Variants in ACLY observed in about 807,000 individuals in gnomAD.
ACLY encodes the protein ATP citrate lyase.
ACLY carries 41 observed loss-of-function variants against 133.0 expected under a neutral mutation model. That is an observed-to-expected ratio of 0.31 (90% CI 0.24 to 0.40). The LOEUF is 0.40. Among genes scored for constraint, ACLY ranks in the 10% least tolerant of loss-of-function variants. The pLI, the probability that ACLY is intolerant of heterozygous loss-of-function variation, is 1.00. For synonymous variants in ACLY, 495 were observed against 549.3 expected, an observed-to-expected ratio of 0.90 and a Z score of 1.38; for missense variants, 1,046 against 1,453.8, an observed-to-expected ratio of 0.72 and a Z score of 4.56.
In ACLY at chr17:41,896,125, G is replaced by GAA. The variant is rs2049358923; in HGVS notation, c.1459+493_1459+494dup. Among the ~76,000 whole-genome samples, 3 of 152,320 alleles carry GAA rather than the reference G, an allele frequency of 2.0e-5. No individual in the cohort carries two copies. The East Asian group carries it at 5.8e-4, about 29-fold the overall frequency. ...AAACTGGTCCCTGGAGCTTGAGGAT[G>GAA]AAGCTGGCAGTGGTGAAGCCGAGGC... On this transcript the variant is annotated intron_variant, in intron 14 of 28. Transcript: ENST00000352035.
intron 3 of ACLY, among the ~76,000 whole-genome samples, chr17:41,912,062 C>A: frequency 6.8e-6 from 1 of 146,964 alleles, no homozygotes; most frequent in Admixed American, 6.9e-5. Context: ...TGCAGTGAGC[C>A]AAGATCACGC....
intron 5 of ACLY, among the ~76,000 whole-genome samples, 156 bp downstream of exon 5, chr17:41,909,354 G>T (rs1170041690): frequency 2.0e-5 from 3 of 152,150 alleles, no homozygotes; most frequent in African/African-American, 7.2e-5. Flanking sequence ...TTCCAAGCCA[G>T]TCCCCGCCCT....
At chr17:41,922,607 T>C (rs1318114234), upstream of ACLY, among the ~76,000 whole-genome samples, 2 of 152,228 alleles carry the variant, frequency 1.3e-5, no homozygotes, top group Non-Finnish European at 2.9e-5. Context: ...CCACTTCTAA[T>C]AATTTATCCT....
chr17:41,884,317 G>T, intron 18 of ACLY, 43 bp from the exon 19 acceptor site: 1 of 1,333,188 alleles, frequency 7.5e-7, no homozygotes, highest in Non-Finnish European at 1.1e-6. Context: ...TCAGGAGGAG[G>T]CCTGGGGAAG....
intron 10 of ACLY, 117 bp downstream of exon 10, chr17:41,904,612 A>T: frequency 1.0e-6 from 1 of 957,676 alleles, no homozygotes; most frequent in Non-Finnish European, 1.6e-6. Context: ...AGAGCTCCCT[A>T]CCTGACCTGG....
intron 16 of ACLY, among the ~76,000 whole-genome samples, chr17:41,890,837 C>CAA (rs34510712): frequency 0.25 from 18,096 of 73,146 alleles, 4,869 homozygotes; most frequent in East Asian, 0.59. Context: ...CCCATCTGTA[C>CAA]AAAAAAAAAA....
At chr17:41,900,927 G>GTCTTTGCTCAAATGTCAGTTTTCTTT (rs1567904920) in intron 11 of ACLY, among the ~76,000 whole-genome samples, 7 of 151,372 alleles carry the variant, frequency 4.6e-5, no homozygotes, top group Non-Finnish European at 1.0e-4. Context: ...CTCATTCTAG[G>GTCTTTGCTCAAATGTCAGTTTTCTTT]TCTTTGCTCA....
At chr17:41,914,710 C>A (rs1223473773) in intron 1 of ACLY, among the ~76,000 whole-genome samples, 12 of 152,264 alleles carry the variant, frequency 7.9e-5, no homozygotes, top group African/African-American at 2.4e-4. Flanking sequence ...CTGGGGACCA[C>A]CCTGTAGTGG....
chr17:41,921,026 G>A (rs1199861390), upstream of ACLY, among the ~76,000 whole-genome samples: 3 of 150,832 alleles, frequency 2.0e-5, no homozygotes, highest in African/African-American at 2.4e-5. Flanking sequence ...CCCAGGAGGC[G>A]GAGGCAGGAG....
intron 1 of ACLY, among the ~76,000 whole-genome samples, chr17:41,928,118 G>A (rs775108217): frequency 6.6e-6 from 1 of 152,122 alleles, no homozygotes; most frequent in Non-Finnish European, 1.5e-5. Flanking sequence ...CAGCCTGGTG[G>A]ACAAGGCCAA....
Position 41,871,692 on chromosome 17 carries a change from C to T in ACLY, c.2934G>A (p.Lys978=), listed in dbSNP as rs147822645. 9 of 1,614,072 alleles carry T rather than the reference C, an allele frequency of 5.6e-6. No individual in the cohort carries two copies. The highest frequency in any genetic ancestry group is 7.6e-6 in the Non-Finnish European group (9 of 1,180,004). Residue 978 remains lysine (K), a synonymous_variant, in exon 25 of 29, where the codon AAG becomes AAA. Transcript: ENST00000352035. ...TTTTAGGAGAGTAACAACTCACCGA[C>T]TTCACTCGGTGACCAATGCCCATGA... is the stretch of plus-strand genomic sequence containing the variant. ...KLIMGIGHRV[K]SINNPDMRVQ...
At chr17:41,889,397 T>C (rs1375557836) in intron 16 of ACLY, among the ~76,000 whole-genome samples, 5 of 151,434 alleles carry the variant, frequency 3.3e-5, no homozygotes, top group Admixed American at 1.3e-4. Context: ...CAGGCGCCTG[T>C]AGTCCCAGCT....
intron 1 of ACLY, among the ~76,000 whole-genome samples, chr17:41,926,060 G>A (rs1168763091): frequency 3.9e-5 from 6 of 151,990 alleles, no homozygotes; most frequent in African/African-American, 1.4e-4. Flanking sequence ...GGCCAGCCTG[G>A]TCTTGAACTC....
chr17:41,899,462 G>A (rs782757596), intron 11 of ACLY, among the ~76,000 whole-genome samples: 4 of 151,992 alleles, frequency 2.6e-5, no homozygotes, highest in African/African-American at 9.7e-5. Context: ...TTCCCCCAGG[G>A]CTCTGGCCCT....
Position 41,887,652 on chromosome 17 carries a change from T to C in ACLY, c.1822A>G (p.Lys608Glu). 6.2e-7 allele frequency: 1 copy of C among 1,613,788 alleles called. No homozygotes were observed. The highest frequency in any genetic ancestry group is 8.5e-7 in the Non-Finnish European group (1 of 1,179,814). ...TTCTGGTCCGCCTTCTTGATCAGCT[T>C]TCTCGTGAGGGCCTCAGGGATGCCT... ...AEGIPEALTR[K>E]LIKKADQKGV... The change falls in exon 17 of 29, where the codon AAG (lysine) becomes GAG (glutamate). Residue 608 changes from lysine (K) to glutamate (E), a missense_variant. Lys to Glu is a moderately conservative substitution (Grantham distance 56). Coordinates refer to ENST00000352035, the MANE Select transcript of ACLY (RefSeq NM_001096.3).
intron 1 of ACLY, among the ~76,000 whole-genome samples, chr17:41,928,118 G>T (rs775108217): frequency 6.6e-6 from 1 of 152,240 alleles, no homozygotes; most frequent in African/African-American, 2.4e-5. Flanking sequence ...CAGCCTGGTG[G>T]ACAAGGCCAA....
Position 41,898,692 on chromosome 17 carries a change from T to C in ACLY, c.1277A>G (p.Asn426Ser), listed in dbSNP as rs965885161. Residue 426 changes from asparagine (N) to serine (S), a missense_variant, in exon 12 of 29, where the codon AAC becomes AGC. Asn to Ser is a conservative substitution (Grantham distance 46). Coordinates refer to ENST00000352035, the MANE Select transcript of ACLY (RefSeq NM_001096.3). ...GMALGHRPIP[N>S]QPPTAAHTAN... ...AGTGTGGGCCGCTGTGGGTGGCTGG[T>C]TGGGGATGGGCCGGTGGCCCAGGGC... 1 of 1,613,894 alleles carries C rather than the reference T, an allele frequency of 6.2e-7. No homozygotes were observed. The highest frequency in any genetic ancestry group is 1.7e-5 in the Admixed American group (1 of 59,972).
At chr17:41,922,909 C>A (rs1395347421), upstream of ACLY, among the ~76,000 whole-genome samples, 1 of 152,236 alleles carries the variant, frequency 6.6e-6, no homozygotes, top group African/African-American at 2.4e-5. Flanking sequence ...TACCAAGTTT[C>A]TGCCCCCAAC....
chr17:41,915,149 A>G (rs79961575), intron 1 of ACLY, among the ~76,000 whole-genome samples: 1 of 152,138 alleles, frequency 6.6e-6, no homozygotes, highest in Non-Finnish European at 1.5e-5. Flanking sequence ...AGAGTCTATG[A>G]TAAGAATTTC....
Sources: allele counts gnomAD v4.1 joint callset (sites outside exome capture counted in the v4.1 genomes callset), GRCh38; gene constraint gnomAD v4.1.1; transcripts MANE v1.5; gene names NCBI Gene and HGNC (gene_info 2026-07-23, HGNC 2026-07-21).